The following FRAS1 variants were observed in gnomAD, a reference collection of about 807,000 sequenced individuals.
FRAS1 encodes Fraser extracellular matrix complex subunit 1, also known as extracellular matrix organizing protein FRAS1.
Under a neutral mutation model 435.2 loss-of-function variants are expected in FRAS1, and 290 were observed. The observed-to-expected ratio is 0.67, with a 90% confidence interval of 0.61 to 0.73. FRAS1 has a LOEUF of 0.73. FRAS1 is among the 30% of genes least tolerant of loss of function. FRAS1 has a pLI of 0.00. For synonymous variants in FRAS1, 1,800 were observed against 1,851.0 expected, an observed-to-expected ratio of 0.97 and a Z score of 0.71; for missense variants, 4,860 against 5,001.5, an observed-to-expected ratio of 0.97 and a Z score of 0.85.
chr4:78,220,744 A>G (rs1297136746), intron 2 of FRAS1, among the ~76,000 whole-genome samples: 5 of 152,208 alleles, frequency 3.3e-5, no homozygotes, highest in African/African-American at 9.6e-5. Flanking sequence ...GATTGTACCT[A>G]CTCTCTCTCT....
At chr4:78,283,484 T>G (rs1727427481) in intron 12 of FRAS1, among the ~76,000 whole-genome samples, 1 of 152,236 alleles carries the variant, frequency 6.6e-6, no homozygotes, top group Non-Finnish European at 1.5e-5. Flanking sequence ...TGCTTTCAAA[T>G]CACCTGGGGT....
chr4:78,518,831 C>T (rs1206263555), intron 66 of FRAS1, among the ~76,000 whole-genome samples: 3 of 152,108 alleles, frequency 2.0e-5, no homozygotes, highest in Non-Finnish European at 4.4e-5. Context: ...GAGATGAGAG[C>T]ACTCACTAAA....
intron 2 of FRAS1, among the ~76,000 whole-genome samples, chr4:78,211,046 A>G (rs910848846): frequency 6.6e-6 from 1 of 152,232 alleles, no homozygotes; most frequent in Non-Finnish European, 1.5e-5. Flanking sequence ...TTGTTGGCAA[A>G]GAAAGGCAGT....
rs61568957 is a variant in FRAS1, at chr4:78,489,968, CAA to C, written c.8958+906_8958+907del. Among the ~76,000 whole-genome samples the C allele has an allele frequency of 3.5e-3, 323 of 92,608 alleles. 7 individuals are homozygous for C. The highest frequency in any genetic ancestry group is 3.9e-3 in the Non-Finnish European group (188 of 48,698). The allele number at this position is 92,608 out of a possible 152,430, so 60.8% of individuals were successfully genotyped here. A position where few individuals can be genotyped will look rare whatever the true frequency, so the allele number is the denominator to read the frequency against. Reference sequence around the variant, plus strand: ...ACTCACCACTAAAGCTAGTGGAAAACAAAAAAAAAAAAAAAAAAAGAAAAGCA... The same window carrying C: ...ACTCACCACTAAAGCTAGTGGAAAACAAAAAAAAAAAAAAAAAGAAAAGCA... On this transcript the variant is annotated intron_variant, in intron 59 of 73. Coordinates refer to ENST00000512123, the MANE Select transcript of FRAS1 (RefSeq NM_025074.7).
At chr4:78,411,275 T>C (rs1733325053) in intron 31 of FRAS1, among the ~76,000 whole-genome samples, 1 of 152,094 alleles carries the variant, frequency 6.6e-6, no homozygotes, top group African/African-American at 2.4e-5. Context: ...CATGCCCAGC[T>C]AATTTTTTGT....
chr4:78,471,887 C>T (rs370518359), intron 51 of FRAS1, among the ~76,000 whole-genome samples: 4 of 152,052 alleles, frequency 2.6e-5, no homozygotes, highest in African/African-American at 9.7e-5. Flanking sequence ...TAATCTTTTT[C>T]TCTCTCTCTC....
At chr4:78,175,648 G>A (rs191364810) in intron 2 of FRAS1, among the ~76,000 whole-genome samples, 1 of 152,324 alleles carries the variant, frequency 6.6e-6, no homozygotes, top group Non-Finnish European at 1.5e-5. Context: ...AGGAAGAAGA[G>A]CATTTCTGGG....
Position 78,475,327 on chromosome 4 carries a change from T to C in FRAS1, c.7683-111T>C, listed in dbSNP as rs1719823006. ...ATTCTTAGAGGAACCAAACTTCCTC[T>C]TCTCTGACTACCTAATGCCAAGAAC... On this transcript the variant is annotated intron_variant, in intron 53 of 73. Transcript: ENST00000512123. 6 of 1,148,726 alleles carry C rather than the reference T, an allele frequency of 5.2e-6. No individual in the cohort carries two copies. In the South Asian group the frequency reaches 8.8e-5, roughly 17 times the overall value. 71.2% of individuals were successfully genotyped at this position (1,148,726 alleles called of 1,614,324 possible).
At chr4:78,274,367 TG>T (rs1488063053) in intron 9 of FRAS1, among the ~76,000 whole-genome samples, 2 of 152,220 alleles carry the variant, frequency 1.3e-5, no homozygotes, top group African/African-American at 4.8e-5. Flanking sequence ...CTTTTGAATG[TG>T]TTTGCTCTTG....
intron 47 of FRAS1, among the ~76,000 whole-genome samples, chr4:78,457,888 T>A (rs975685361): frequency 6.6e-6 from 1 of 152,166 alleles, no homozygotes; most frequent in Non-Finnish European, 1.5e-5. Context: ...TTACCCTAAT[T>A]AGCCTTTTAA....
chr4:78,354,657 G>A (rs1322177704), intron 20 of FRAS1, among the ~76,000 whole-genome samples: 1 of 152,140 alleles, frequency 6.6e-6, no homozygotes, highest in Non-Finnish European at 1.5e-5. Flanking sequence ...TACAAGTGCT[G>A]ATTATTTTGA....
intron 59 of FRAS1, among the ~76,000 whole-genome samples, chr4:78,491,211 C>T (rs181390529): frequency 9.9e-5 from 15 of 152,218 alleles, no homozygotes; most frequent in African/African-American, 2.6e-4. Flanking sequence ...GATTCACAGC[C>T]GAATTCTACC....
At chr4:78,469,568 A>T (rs1358679814) in intron 50 of FRAS1, among the ~76,000 whole-genome samples, 1 of 152,206 alleles carries the variant, frequency 6.6e-6, no homozygotes, top group Non-Finnish European at 1.5e-5. Context: ...TAACAATTTA[A>T]TGATTATTTT....
At chr4:78,458,654 A>G (rs942089613) in intron 47 of FRAS1, among the ~76,000 whole-genome samples, 1 of 152,148 alleles carries the variant, frequency 6.6e-6, no homozygotes, top group Admixed American at 6.5e-5. Context: ...GCATCACACA[A>G]TATACCCTGT....
chr4:78,469,027 A>G (rs1719622995), intron 50 of FRAS1, among the ~76,000 whole-genome samples: 1 of 152,182 alleles, frequency 6.6e-6, no homozygotes, highest in Admixed American at 6.5e-5. Flanking sequence ...CGGTGTCTGC[A>G]CAGCATCACC....
At chr4:78,062,069 T>C (rs1041641018) in intron 1 of FRAS1, among the ~76,000 whole-genome samples, 1 of 152,198 alleles carries the variant, frequency 6.6e-6, no homozygotes, top group Non-Finnish European at 1.5e-5. Context: ...CCTTATATAG[T>C]GTACATCCTT....
At chr4:78,105,793 G>A (rs113102504) in intron 2 of FRAS1, among the ~76,000 whole-genome samples, 8,931 of 151,374 alleles carry the variant, frequency 0.059, 720 homozygotes, top group African/African-American at 0.18. Flanking sequence ...CCCAGCGTGA[G>A]CGACGCAGAA....
intron 2 of FRAS1, among the ~76,000 whole-genome samples, chr4:78,215,152 G>A (rs1031928820): frequency 1.3e-5 from 2 of 150,934 alleles, no homozygotes; most frequent in Non-Finnish European, 2.9e-5. Flanking sequence ...TTTAATTGTG[G>A]TAAAATACGT....
In FRAS1 at chr4:78,464,016, T is replaced by C. The variant is rs1719447973; in HGVS notation, c.6764-5T>C. ...GTCTCTGTTTCTCTTTTCCCCTTTT[T>C]CTAGGTATCCAGATTAGTTCCTTTA... On this transcript the variant is annotated splice_region_variant and splice_polypyrimidine_tract_variant and intron_variant, in intron 47 of 73. Coordinates refer to ENST00000512123, the MANE Select transcript of FRAS1 (RefSeq NM_025074.7). The C allele has an allele frequency of 1.2e-6, 2 of 1,612,848 alleles. No individual in the cohort carries two copies. Among genetic ancestry groups the C allele is most frequent in the East Asian group, 4.5e-5 (2 of 44,880 alleles).
Sources: allele counts gnomAD v4.1 joint callset (sites outside exome capture counted in the v4.1 genomes callset), GRCh38; gene constraint gnomAD v4.1.1; transcripts MANE v1.5; gene names NCBI Gene and HGNC (gene_info 2026-07-23, HGNC 2026-07-21).